Variants in TEAD1 observed in about 807,000 individuals in gnomAD.
The protein encoded by TEAD1 is TEA domain transcription factor 1.
Under a neutral mutation model 54.9 loss-of-function variants are expected in TEAD1, and 9 were observed. The observed-to-expected ratio is 0.16, with a 90% CI of 0.10 to 0.29. The LOEUF is 0.29. Among genes scored for constraint, TEAD1 ranks in the 10% least tolerant of loss-of-function variants. The probability of loss-of-function intolerance (pLI) is 1.00; values close to 1 mark genes in which losing one functional copy is unlikely to be tolerated. For synonymous variants in TEAD1, 200 were observed against 187.8 expected, an observed-to-expected ratio of 1.07 and a Z score of -0.53; for missense variants, 387 against 535.9, an observed-to-expected ratio of 0.72 and a Z score of 2.74.
chr11:12,876,686 C>T (rs377188469), intron 5 of TEAD1, among the ~76,000 whole-genome samples: 14 of 152,300 alleles, frequency 9.2e-5, no homozygotes, highest in African/African-American at 1.9e-4. Flanking sequence ...ATACCTGAGC[C>T]ATTACCTCAG....
chr11:12,690,649 C>G lies in TEAD1; in HGVS notation c.-55+15088C>G, dbSNP rs145249143. ...ATAGCTAGTATTCTACCAGGAGGCACACAATGTACAGTGTCACTTTTTCTG... is the reference window on the plus strand; with the variant it reads ...ATAGCTAGTATTCTACCAGGAGGCAGACAATGTACAGTGTCACTTTTTCTG... On this transcript the variant is annotated intron_variant, in intron 2 of 12. Transcript: ENST00000527636. Among the ~76,000 whole-genome samples, 8 of 152,334 alleles carry G rather than the reference C, an allele frequency of 5.3e-5. No homozygotes were observed. In the East Asian group the frequency reaches 1.5e-3, roughly 29 times the overall value.
At chr11:12,780,273 C>T (rs1228554449) in intron 3 of TEAD1, among the ~76,000 whole-genome samples, 7 of 136,778 alleles carry the variant, frequency 5.1e-5, no homozygotes, top group South Asian at 4.5e-4. Flanking sequence ...GATGGAGTTT[C>T]GCTCTTGTCA....
At position 12,902,086 on chromosome 11, in the gene TEAD1, A is replaced by G. The variant is rs754662369; in HGVS notation, c.846A>G (p.Gln282=). ...AGGAACTGTTTGGAAAGGGCCCTCA[A>G]AATGCCTTCTTCCTCGTAAAATTCT... Residue 282 remains glutamine, a synonymous_variant, in exon 10 of 13, where the codon CAA becomes CAG. Transcript: ENST00000527636. 113 of 1,614,104 alleles carry G rather than the reference A, an allele frequency of 7.0e-5. No individual in the cohort carries two copies. Among genetic ancestry groups the G allele is most frequent in the Non-Finnish European group, 9.1e-5 (107 of 1,180,044 alleles).
chr11:12,931,693 G>A lies in TEAD1; in HGVS notation c.1167+1367G>A, dbSNP rs185810450. Reference sequence around the variant, plus strand: ...CCTTCATGGGCAATTTCAAGCTACCGATAGCTATTCAGCTAATGAAATTCC... The same window carrying A: ...CCTTCATGGGCAATTTCAAGCTACCAATAGCTATTCAGCTAATGAAATTCC... On this transcript the variant is annotated intron_variant, in intron 12 of 12. Transcript: ENST00000527636. Among the ~76,000 whole-genome samples, 72 of 152,126 alleles carry A rather than the reference G, an allele frequency of 4.7e-4. 1 individual carries two copies. The highest frequency in any genetic ancestry group is 8.3e-4 in the South Asian group (4 of 4,818).
chr11:12,704,267 G>C (rs1174094811), intron 2 of TEAD1, among the ~76,000 whole-genome samples: 1 of 152,080 alleles, frequency 6.6e-6, no homozygotes, highest in African/African-American at 2.4e-5. Flanking sequence ...TTGCCGGAGG[G>C]GCCACTGTTT....
In TEAD1 at chr11:12,936,027, G is replaced by A. The variant is rs545223001; in HGVS notation, c.1168-1082G>A. Among the ~76,000 whole-genome samples the A allele has an allele frequency of 2.0e-5, 3 of 152,328 alleles. No individual in the cohort carries two copies. In the South Asian group the frequency reaches 6.2e-4, roughly 32 times the overall value. On this transcript the variant is annotated intron_variant, in intron 12 of 12. Coordinates refer to ENST00000527636, the MANE Select transcript of TEAD1 (RefSeq NM_021961.6). ...CAGGGGAAACAGCCTGATACTTAGA[G>A]GGAAATTAGGCCTATAACAAACTGG...
intron 2 of TEAD1, among the ~76,000 whole-genome samples, chr11:12,752,213 G>A (rs995255136): frequency 9.9e-6 from 1 of 101,040 alleles, no homozygotes; most frequent in African/African-American, 3.7e-5. Flanking sequence ...AAACAGGGCA[G>A]TTTTTTTTTT....
At chr11:12,746,282 ACCTCTTCTACATAAAC>A (rs1944744329) in intron 2 of TEAD1, among the ~76,000 whole-genome samples, 1 of 152,178 alleles carries the variant, frequency 6.6e-6, no homozygotes, top group African/African-American at 2.4e-5. Context: ...TTGAAGTCCT[ACCTCTTCTACATAAAC>A]CTAATTAGCT....
intron 11 of TEAD1, among the ~76,000 whole-genome samples, chr11:12,928,283 CTTT>C (rs35934347): frequency 1.5e-5 from 2 of 135,486 alleles, no homozygotes; most frequent in Non-Finnish European, 3.1e-5. Flanking sequence ...TTTTCTTTTC[CTTT>C]TTTTTTTTTT....
At chr11:12,850,116 A>T (rs970277333) in intron 3 of TEAD1, among the ~76,000 whole-genome samples, 1 of 152,192 alleles carries the variant, frequency 6.6e-6, no homozygotes, top group African/African-American at 2.4e-5. Flanking sequence ...AGACATATAA[A>T]CCTGGTGCAG....
intron 3 of TEAD1, among the ~76,000 whole-genome samples, chr11:12,815,930 C>T (rs761282038): frequency 1.3e-5 from 2 of 152,202 alleles, no homozygotes; most frequent in Non-Finnish European, 2.9e-5. Flanking sequence ...ATGTATATGA[C>T]GTAGAGCTAA....
At chr11:12,807,430 T>G (rs935320946) in intron 3 of TEAD1, among the ~76,000 whole-genome samples, 19 of 152,178 alleles carry the variant, frequency 1.2e-4, no homozygotes, top group Non-Finnish European at 2.9e-5. Context: ...AGTCCTGCTT[T>G]TTGCTCCTGG....
chr11:12,747,493 C>G (rs1944770567), intron 2 of TEAD1, among the ~76,000 whole-genome samples: 1 of 152,162 alleles, frequency 6.6e-6, no homozygotes, highest in Admixed American at 6.5e-5. Context: ...CGCCACCACA[C>G]CCATCTAATT....
At chr11:12,812,664 T>A (rs1946329544) in intron 3 of TEAD1, among the ~76,000 whole-genome samples, 1 of 152,218 alleles carries the variant, frequency 6.6e-6, no homozygotes, top group Admixed American at 6.5e-5. Context: ...GAAGGCTTAA[T>A]ACAGGAGATG....
At chr11:12,719,516 C>T (rs1203845061) in intron 2 of TEAD1, among the ~76,000 whole-genome samples, 1 of 146,840 alleles carries the variant, frequency 6.8e-6, no homozygotes, top group African/African-American at 2.5e-5. Flanking sequence ...TTGCTTAACT[C>T]CAGATGACTT....
intron 5 of TEAD1, among the ~76,000 whole-genome samples, chr11:12,866,880 G>C (rs1180687355): frequency 6.6e-6 from 1 of 152,096 alleles, no homozygotes; most frequent in Non-Finnish European, 1.5e-5. Flanking sequence ...AGCTGGCCAT[G>C]TAAATGGGAA....
At position 12,727,905 on chromosome 11, in the gene TEAD1, T is replaced by A. The variant is rs148445804; in HGVS notation, c.-54-36274T>A. Reference sequence around the variant, plus strand: ...AGGAATATCCATATCTTTTTTTTTTTAAATCTTCAAGTATTTCATATTGTA... The same window carrying A: ...AGGAATATCCATATCTTTTTTTTTTAAAATCTTCAAGTATTTCATATTGTA... On this transcript the variant is annotated intron_variant, in intron 2 of 12. Coordinates refer to ENST00000527636, the MANE Select transcript of TEAD1 (RefSeq NM_021961.6). Among the ~76,000 whole-genome samples, 184 of 152,220 alleles carry A rather than the reference T, an allele frequency of 1.2e-3. 1 individual carries two copies. Among genetic ancestry groups the A allele is most frequent in the Admixed American group, 7.5e-3 (114 of 15,290 alleles).
chr11:12,818,563 A>C (rs565043340), intron 3 of TEAD1, among the ~76,000 whole-genome samples: 7 of 152,322 alleles, frequency 4.6e-5, no homozygotes, highest in African/African-American at 1.7e-4. Context: ...AGAGAGGACC[A>C]GTCAAGTCCA....
intron 2 of TEAD1, among the ~76,000 whole-genome samples, chr11:12,681,116 T>A (rs1313559091): frequency 2.6e-5 from 4 of 152,190 alleles, no homozygotes; most frequent in Non-Finnish European, 5.9e-5. Context: ...TAGAGCTCCA[T>A]TAGCTGAAGG....
Sources: allele counts gnomAD v4.1 joint callset (sites outside exome capture counted in the v4.1 genomes callset), GRCh38; gene constraint gnomAD v4.1.1; transcripts MANE v1.5; gene names NCBI Gene and HGNC (gene_info 2026-07-23, HGNC 2026-07-21).